The following GSK3B variants were observed in gnomAD, a reference collection of about 807,000 sequenced individuals.
GSK3B encodes glycogen synthase kinase-3 beta.
Under a neutral mutation model 56.4 loss-of-function variants are expected in GSK3B, and 15 were observed. The ratio of observed to expected loss-of-function variants is 0.27; its 90% CI spans 0.18 to 0.41. The LOEUF (loss-of-function observed/expected upper bound fraction) is 0.41. Among genes scored for constraint, GSK3B ranks in the 10% least tolerant of loss-of-function variants. The pLI is 1.00. For synonymous variants in GSK3B, 181 were observed against 188.9 expected (o/e 0.96, Z 0.34); for missense variants, 300 against 513.4 (o/e 0.58, Z 4.02).
chr3:119,860,812 C>T (rs1231196785), intron 9 of GSK3B, among the ~76,000 whole-genome samples: 1 of 152,128 alleles, frequency 6.6e-6, no homozygotes, highest in African/African-American at 2.4e-5. Flanking sequence ...AAGTGGTACA[C>T]GGCACTCAAA....
intron 9 of GSK3B, among the ~76,000 whole-genome samples, chr3:119,846,826 C>T (rs1250185595): frequency 6.6e-6 from 1 of 152,170 alleles, no homozygotes; most frequent in Non-Finnish European, 1.5e-5. Context: ...ACTATAAAGA[C>T]ACATGCATAC....
chr3:119,898,692 A>G (rs960070246), intron 7 of GSK3B, among the ~76,000 whole-genome samples: 8 of 152,146 alleles, frequency 5.3e-5, no homozygotes, highest in African/African-American at 1.9e-4. Context: ...ACGGTAATAC[A>G]GTAGTTTCCC....
intron 1 of GSK3B, among the ~76,000 whole-genome samples, chr3:120,089,536 G>A (rs1185623877): frequency 1.3e-5 from 2 of 152,148 alleles, no homozygotes; most frequent in South Asian, 2.1e-4. Context: ...ACCATACGAC[G>A]TAATACTGCA....
chr3:120,085,184 C>G (rs1041932242), intron 1 of GSK3B, among the ~76,000 whole-genome samples: 2 of 152,122 alleles, frequency 1.3e-5, no homozygotes, highest in African/African-American at 4.8e-5. Context: ...AATTATCTGG[C>G]ACACCGCACT....
intron 3 of GSK3B, among the ~76,000 whole-genome samples, chr3:119,928,898 C>A (rs762403275): frequency 2.6e-5 from 4 of 152,120 alleles, no homozygotes; most frequent in Admixed American, 6.5e-5. Context: ...TATAAGAAAT[C>A]ATCAATGTGA....
chr3:119,855,842 G>T (rs1022135766), intron 9 of GSK3B, among the ~76,000 whole-genome samples: 1 of 152,202 alleles, frequency 6.6e-6, no homozygotes, highest in Middle Eastern at 3.4e-3. Flanking sequence ...GGTGGGGGGA[G>T]GGGGAGGGGT....
intron 1 of GSK3B, among the ~76,000 whole-genome samples, chr3:120,074,279 C>T (rs1395751771): frequency 6.7e-6 from 1 of 149,272 alleles, no homozygotes; most frequent in East Asian, 2.0e-4. Context: ...CAGCTTGGGT[C>T]ACAGAGTGAG....
intron 3 of GSK3B, among the ~76,000 whole-genome samples, chr3:119,942,889 C>G (rs1445873006): frequency 6.6e-6 from 1 of 152,180 alleles, no homozygotes; most frequent in East Asian, 1.9e-4. Flanking sequence ...AGAGGAGGTA[C>G]TACTTACTCT....
At chr3:119,833,896 C>T (rs2055645666) in intron 10 of GSK3B, among the ~76,000 whole-genome samples, 1 of 151,804 alleles carries the variant, frequency 6.6e-6, no homozygotes, top group Non-Finnish European at 1.5e-5. Context: ...TGGGGTTTCG[C>T]CATGTTGGCC....
intron 7 of GSK3B, among the ~76,000 whole-genome samples, chr3:119,905,076 CAT>C (rs1343906556): frequency 6.7e-6 from 1 of 149,980 alleles, no homozygotes; most frequent in Admixed American, 6.7e-5. Context: ...TAAAAGAAAA[CAT>C]ATATTCTAAG....
intron 8 of GSK3B, among the ~76,000 whole-genome samples, chr3:119,871,531 T>G (rs893158581): frequency 6.6e-6 from 1 of 152,216 alleles, no homozygotes; most frequent in Non-Finnish European, 1.5e-5. Flanking sequence ...TATAATTTGG[T>G]AGGTACTATA....
At chr3:119,972,657 G>A (rs979125868) in intron 2 of GSK3B, among the ~76,000 whole-genome samples, 3 of 151,972 alleles carry the variant, frequency 2.0e-5, no homozygotes, top group African/African-American at 2.4e-5. Flanking sequence ...GGATGTTCTC[G>A]ATCTCCTGAC....
chr3:119,944,138 T>C lies in GSK3B; in HGVS notation c.366+3130A>G, dbSNP rs144493042. On this transcript the variant is annotated intron_variant, in intron 3 of 10. Transcript: ENST00000264235. ...TTTAATCTCTCTAATCCTGAAACAA[T>C]GAGTTATTCTTTCTCATCTTCACAA... 4.2e-3 allele frequency among the ~76,000 whole-genome samples: 646 copies of C among 152,324 alleles called. 1 individual carries two copies. The highest frequency in any genetic ancestry group is 0.015 in the African/African-American group (611 of 41,566).
chr3:119,948,838 A>C (rs2057127273), intron 2 of GSK3B, among the ~76,000 whole-genome samples: 1 of 152,272 alleles, frequency 6.6e-6, no homozygotes, highest in African/African-American at 2.4e-5. Context: ...AGCTGGGATT[A>C]CAGGCGCCTG....
At chr3:119,844,964 T>A (rs1441876953) in intron 9 of GSK3B, among the ~76,000 whole-genome samples, 1 of 152,188 alleles carries the variant, frequency 6.6e-6, no homozygotes, top group Non-Finnish European at 1.5e-5. Flanking sequence ...GTATCCACCA[T>A]GATCAAGTCG....
chr3:120,033,757 G>A (rs938215188), intron 1 of GSK3B, among the ~76,000 whole-genome samples: 1 of 152,114 alleles, frequency 6.6e-6, no homozygotes, highest in Non-Finnish European at 1.5e-5. Context: ...GTTTGAAAGT[G>A]TGTGGCACTT....
chr3:120,042,381 G>T (rs2058070754), intron 1 of GSK3B, among the ~76,000 whole-genome samples: 1 of 152,176 alleles, frequency 6.6e-6, no homozygotes, highest in South Asian at 2.1e-4. Flanking sequence ...GGCCATGTGT[G>T]ATGCAGTCTT....
chr3:119,826,139 C>G lies in GSK3B; in HGVS notation c.*649G>C. 1 of 234,418 alleles carries G rather than the reference C, an allele frequency of 4.3e-6. No homozygotes were observed. Among genetic ancestry groups the G allele is most frequent in the Non-Finnish European group, 8.4e-6 (1 of 119,442 alleles). 14.5% of individuals were successfully genotyped at this position (234,418 alleles called of 1,614,324 possible). A position where few individuals can be genotyped will look rare whatever the true frequency, so the allele number is the denominator to read the frequency against. The stretch of plus-strand genomic sequence containing the variant: ...AACTGAGAGCAAAACAAAACCTTAA[C>G]AAATCTACTAAGAATCTTCCCTGTA... On this transcript the variant is annotated 3_prime_UTR_variant, in exon 11 of 11. Coordinates refer to ENST00000264235, the MANE Select transcript of GSK3B (RefSeq NM_001146156.2).
chr3:120,034,543 G>T (rs2058006514), intron 1 of GSK3B, among the ~76,000 whole-genome samples: 1 of 151,972 alleles, frequency 6.6e-6, no homozygotes, highest in Non-Finnish European at 1.5e-5. Context: ...ATAAAGGTAG[G>T]GGCTTATTTT....
Sources: allele counts gnomAD v4.1 joint callset (sites outside exome capture counted in the v4.1 genomes callset), GRCh38; gene constraint gnomAD v4.1.1; transcripts MANE v1.5; gene names NCBI Gene and HGNC (gene_info 2026-07-23, HGNC 2026-07-21).